MED12L: variants seen among roughly 807,000 people sequenced by gnomAD.
MED12L encodes the protein mediator complex subunit 12L, also known as mediator of RNA polymerase II transcription subunit 12-like protein.
MED12L carries 60 observed loss-of-function variants against 281.3 expected under a neutral mutation model. The observed-to-expected ratio is 0.21, with a 90% CI of 0.17 to 0.26. The LOEUF is 0.26. Ranked by LOEUF, MED12L falls within the 10% of genes least tolerant of loss-of-function variation. The pLI, the probability that MED12L is intolerant of heterozygous loss-of-function variation, is 1.00. For synonymous variants in MED12L, 974 were observed against 987.2 expected, an observed-to-expected ratio of 0.99 and a Z score of 0.25; for missense variants, 2,146 against 2,680.9, an observed-to-expected ratio of 0.80 and a Z score of 4.41.
At chr3:151,296,151 T>G (rs2149699044) in intron 16 of MED12L, among the ~76,000 whole-genome samples, 1 of 152,280 alleles carries the variant, frequency 6.6e-6, no homozygotes, top group South Asian at 2.1e-4. Context: ...CCTGGTATAT[T>G]TTTTTTGTTT....
At chr3:151,217,780 T>C (rs901240570) in intron 16 of MED12L, among the ~76,000 whole-genome samples, 8 of 152,140 alleles carry the variant, frequency 5.3e-5, no homozygotes, top group South Asian at 4.1e-4. Context: ...CTCTTAAATA[T>C]TGATTTTTTT....
intron 17 of MED12L, among the ~76,000 whole-genome samples, chr3:151,353,089 TTAGTGATACA>T (rs1753441796): frequency 6.6e-6 from 1 of 152,202 alleles, no homozygotes; most frequent in Non-Finnish European, 1.5e-5. Flanking sequence ...TTTTAAGAAG[TTAGTGATACA>T]TAGATAAATG....
chr3:151,148,681 CTTGG>C (rs1485138151), intron 5 of MED12L, among the ~76,000 whole-genome samples: 6 of 152,132 alleles, frequency 3.9e-5, no homozygotes, highest in Non-Finnish European at 7.4e-5. Context: ...AGTCTCTGGA[CTTGG>C]TTGGAGTTTT....
At chr3:151,099,665 T>C (rs987018141) in intron 2 of MED12L, among the ~76,000 whole-genome samples, 1 of 152,168 alleles carries the variant, frequency 6.6e-6, no homozygotes, top group Non-Finnish European at 1.5e-5. Flanking sequence ...CCAGAGGTAT[T>C]GGACTTGGAA....
At chr3:151,312,767 A>G (rs1322630431) in intron 16 of MED12L, among the ~76,000 whole-genome samples, 1 of 152,244 alleles carries the variant, frequency 6.6e-6, no homozygotes, top group Non-Finnish European at 1.5e-5. Context: ...ATTTATTAAA[A>G]GGACTTTGGA....
Position 151,188,490 on chromosome 3 carries a change from G to T in MED12L, c.1753+10G>T. ...CAGGCCCCCTCTTTGTGTAAGTAGAGAAAACTCTTTGCCTCTAGATCTTAA... is the reference window on the plus strand; with the variant it reads ...CAGGCCCCCTCTTTGTGTAAGTAGATAAAACTCTTTGCCTCTAGATCTTAA... On this transcript the variant is annotated intron_variant, in intron 13 of 44. Transcript: ENST00000687756. 6.2e-7 allele frequency: 1 copy of T among 1,603,490 alleles called. No individual in the cohort carries two copies. The highest frequency in any genetic ancestry group is 8.5e-7 in the Non-Finnish European group (1 of 1,175,362).
intron 16 of MED12L, chr3:151,337,705 A>G: frequency 9.5e-7 from 1 of 1,051,348 alleles, no homozygotes; most frequent in Non-Finnish European, 1.4e-6. Context: ...GTTTCTTTAG[A>G]GTCATTATTA....
rs148890433 is a variant in MED12L, at chr3:151,306,674, C to T, written c.2251-43385C>T. 1.2e-3 allele frequency among the ~76,000 whole-genome samples: 189 copies of T among 152,224 alleles called. 2 individuals carry two copies. The highest frequency in any genetic ancestry group is 0.01 in the East Asian group (52 of 5,178). ...GGGTGGGGAGTCATTTGTACCACGCCGGGGGAAACTCTGTCAGCAGGAAGA... is the reference window on the plus strand; with the variant it reads ...GGGTGGGGAGTCATTTGTACCACGCTGGGGGAAACTCTGTCAGCAGGAAGA... On this transcript the variant is annotated intron_variant, in intron 16 of 44. Coordinates refer to ENST00000687756, the MANE Select transcript of MED12L (RefSeq NM_001393769.1).
At chr3:151,279,949 T>C (rs1742550337) in intron 16 of MED12L, among the ~76,000 whole-genome samples, 1 of 152,230 alleles carries the variant, frequency 6.6e-6, no homozygotes, top group African/African-American at 2.4e-5. Context: ...TTCACATAGA[T>C]GTTATTGAGT....
chr3:151,296,102 T>G (rs1313316329), intron 16 of MED12L, among the ~76,000 whole-genome samples: 2 of 152,256 alleles, frequency 1.3e-5, no homozygotes, highest in South Asian at 2.1e-4. Flanking sequence ...GATTTACAGT[T>G]TATTACCAAA....
rs371940917 is a variant in MED12L at position 151,141,089 on chromosome 3, G to A, written c.556+13105G>A. 6.3e-4 allele frequency among the ~76,000 whole-genome samples: 96 copies of A among 151,670 alleles called. 1 individual carries two copies. The highest frequency in any genetic ancestry group is 2.1e-3 in the African/African-American group (87 of 41,300). ...TCACCATGTTAGCCATGATGGTCTC[G>A]ATCTCCTGACCTTGTGATCCACCTG... On this transcript the variant is annotated intron_variant, in intron 5 of 44. Coordinates refer to ENST00000687756, the MANE Select transcript of MED12L (RefSeq NM_001393769.1).
chr3:151,214,169 C>T (rs1443167404), intron 16 of MED12L: 34 of 1,613,936 alleles, frequency 2.1e-5, no homozygotes, highest in African/African-American at 9.3e-5. Context: ...GAGCTGGGCA[C>T]GTAAAAGAAT....
At chr3:151,240,968 G>A (rs997182059) in intron 16 of MED12L, among the ~76,000 whole-genome samples, 2 of 152,156 alleles carry the variant, frequency 1.3e-5, no homozygotes, top group Non-Finnish European at 2.9e-5. Context: ...GTGAAACAGG[G>A]GCAAGAATAG....
intron 16 of MED12L, among the ~76,000 whole-genome samples, chr3:151,262,614 T>G (rs976576602): frequency 2.6e-5 from 4 of 152,192 alleles, no homozygotes; most frequent in African/African-American, 9.6e-5. Flanking sequence ...AAGGGATGCA[T>G]GGGCAATGTA....
intron 16 of MED12L, among the ~76,000 whole-genome samples, chr3:151,324,556 C>T (rs150568628): frequency 2.3e-4 from 35 of 152,326 alleles, no homozygotes; most frequent in African/African-American, 7.7e-4. Flanking sequence ...AGCCCCATTC[C>T]TGCAGATGGC....
chr3:151,300,023 A>G, intron 16 of MED12L: 5 of 1,341,396 alleles, frequency 3.7e-6, no homozygotes, highest in South Asian at 1.2e-5. Context: ...AATAATAGTC[A>G]TCAATAAAGT....
chr3:151,369,205 T>C (rs1755870439), intron 25 of MED12L, among the ~76,000 whole-genome samples: 1 of 152,182 alleles, frequency 6.6e-6, no homozygotes, highest in African/African-American at 2.4e-5. Flanking sequence ...CTACTAATCT[T>C]GTTGATGTAG....
intron 5 of MED12L, among the ~76,000 whole-genome samples, chr3:151,130,985 A>G (rs989147370): frequency 6.6e-6 from 1 of 152,226 alleles, no homozygotes; most frequent in Admixed American, 6.5e-5. Flanking sequence ...AGTAATCTTT[A>G]AAATAAATAA....
chr3:151,158,945 G>C, intron 7 of MED12L, 146 bp downstream of exon 7: 1 of 643,208 alleles, frequency 1.6e-6, no homozygotes, highest in South Asian at 1.9e-5. Flanking sequence ...AACACATGAA[G>C]TGATAAAGGC....
Sources: gnomAD v4.1 joint callset for allele counts (sites outside exome capture counted in the v4.1 genomes callset) on GRCh38, gnomAD v4.1.1 for gene constraint, MANE v1.5 for transcripts, NCBI Gene and HGNC (gene_info 2026-07-23, HGNC 2026-07-21) for gene names.